Variants in RPS6KA6 observed in about 807,000 individuals in gnomAD.
RPS6KA6 encodes ribosomal protein S6 kinase A6, also known as ribosomal protein S6 kinase alpha-6.
In RPS6KA6, 27 loss-of-function variants were observed where a neutral mutation model predicts 65.4. That is an observed-to-expected ratio of 0.41 (90% CI 0.30 to 0.57). RPS6KA6 has a LOEUF of 0.57. Ranked by LOEUF, RPS6KA6 falls within the 20% of genes least tolerant of loss-of-function variation. The pLI is 0.24. For synonymous variants in RPS6KA6, 190 were observed against 184.2 expected (o/e 1.03, Z -0.26); for missense variants, 486 against 555.6 (o/e 0.87, Z 1.26).
intron 20 of RPS6KA6, among the ~76,000 whole-genome samples, chrX:84,093,426 C>T (rs1029535644): frequency 1.8e-5 from 2 of 111,790 alleles, no homozygotes; most frequent in African/African-American, 6.5e-5. Flanking sequence ...TTAAAAGGTT[C>T]TCATAGCTCC....
chrX:84,089,453 T>C lies in RPS6KA6; in HGVS notation c.1971+6741A>G, dbSNP rs184012735. Among the ~76,000 whole-genome samples the C allele has an allele frequency of 2.4e-3, 267 of 111,663 alleles. 2 individuals are homozygous for C. The highest frequency in any genetic ancestry group is 8.2e-3 in the African/African-American group (253 of 30,739). On this transcript the variant is annotated intron_variant, in intron 20 of 21. Transcript: ENST00000262752. ...CAGGTCCCTTCCTAGGATAGAAGTA[T>C]AGATGGGTCTTCTGCCTTGCTGGAA... is the stretch of plus-strand genomic sequence containing the variant.
intron 1 of RPS6KA6, 116 bp downstream of exon 1, chrX:84,187,703 G>A: frequency 1.5e-6 from 1 of 682,039 alleles, no homozygotes; most frequent in Non-Finnish European, 2.2e-6. Flanking sequence ...CATCAAGGGG[G>A]CTTGCCCGGG....
intron 12 of RPS6KA6, among the ~76,000 whole-genome samples, chrX:84,113,322 T>C (rs773483008): frequency 1.8e-5 from 2 of 111,447 alleles, no homozygotes; most frequent in East Asian, 5.7e-4. Context: ...ACAAAACCGG[T>C]ATCATCCTGA....
At position 84,167,130 on chromosome X, in the gene RPS6KA6, A is replaced by G. The variant is rs192764412; in HGVS notation, c.82-2743T>C. On this transcript the variant is annotated intron_variant, in intron 1 of 21. Transcript: ENST00000262752. ...GAAAGGAGTGAGAGAAAAACCACAC[A>G]TTACATAAAGAGGAACATCAAACTG... Among the ~76,000 whole-genome samples, 15 of 111,727 alleles carry G rather than the reference A, an allele frequency of 1.3e-4. No individual in the cohort carries two copies. In the East Asian group the frequency reaches 3.7e-3, roughly 27 times the overall value.
chrX:84,118,720 A>T (rs764199123), intron 9 of RPS6KA6, among the ~76,000 whole-genome samples: 180 of 111,940 alleles, frequency 1.6e-3, no homozygotes, highest in African/African-American at 5.7e-3. Context: ...TACCAAGGTT[A>T]ACAACTGCTT....
chrX:84,106,630 G>A (rs946420029), intron 14 of RPS6KA6, 143 bp from the exon 15 acceptor site: 25 of 485,505 alleles, frequency 5.1e-5, no homozygotes, highest in Admixed American at 9.3e-5. Context: ...TATAAATGGC[G>A]TGAACCAATC....
In RPS6KA6 at chrX:84,063,245, T is replaced by C. The variant is rs903616505; in HGVS notation, c.*1032A>G. On this transcript the variant is annotated 3_prime_UTR_variant, in exon 22 of 22. Transcript: ENST00000262752. ...TACTGTAATACAATATACTATATCA[T>C]GTGTGCTATATGCACAAGTCCACTA... is the stretch of plus-strand genomic sequence containing the variant. 1 of 111,824 alleles carries C rather than the reference T, an allele frequency of 8.9e-6. No individual in the cohort carries two copies. The highest frequency in any genetic ancestry group is 1.9e-5 in the Non-Finnish European group (1 of 53,111). 9.2% of individuals were successfully genotyped at this position (111,824 alleles called of 1,213,427 possible).
chrX:84,113,781 C>A lies in RPS6KA6; in HGVS notation c.1008+2448G>T, dbSNP rs186570550. On this transcript the variant is annotated intron_variant, in intron 12 of 21. Coordinates refer to ENST00000262752, the MANE Select transcript of RPS6KA6 (RefSeq NM_014496.5). ...CAGTACTGGAAAGTCCTAGCCAGAG[C>A]AATCAAGCAAGAAAAAGAAATAAAA... Among the ~76,000 whole-genome samples, 498 of 110,809 alleles carry A rather than the reference C, an allele frequency of 4.5e-3. 5 individuals are homozygous for A. Among genetic ancestry groups the A allele is most frequent in the African/African-American group, 0.016 (488 of 30,439 alleles).
At chrX:84,125,848 C>A (rs2034772807) in intron 8 of RPS6KA6, among the ~76,000 whole-genome samples, 1 of 110,121 alleles carries the variant, frequency 9.1e-6, no homozygotes, top group Non-Finnish European at 1.9e-5. Context: ...AGCAAGACTC[C>A]ATCTCAAAAA....
intron 1 of RPS6KA6, among the ~76,000 whole-genome samples, chrX:84,185,163 T>C (rs1217039771): frequency 9.0e-6 from 1 of 111,608 alleles, no homozygotes; most frequent in Non-Finnish European, 1.9e-5. Flanking sequence ...TGTGACTGCG[T>C]GAGGGGTGAT....
At chrX:84,075,641 A>G (rs2147344572) in intron 20 of RPS6KA6, among the ~76,000 whole-genome samples, 1 of 111,366 alleles carries the variant, frequency 9.0e-6, no homozygotes, top group African/African-American at 3.3e-5. Flanking sequence ...AAAAGTAGCT[A>G]GAGAAAAAAG....
In RPS6KA6 at chrX:84,064,292, T is replaced by C. The variant is rs778761337; in HGVS notation, c.2223A>G (p.Thr741=). The part of the protein sequence containing the change: ...LAQRRSMKKR[T]STGL ...ACCACAAATCTTACAGGCCAGTTGA[T>C]GTTCGCTTTTTCATGCTCCGTCGCT... is the stretch of plus-strand genomic sequence containing the variant. Residue 741 remains threonine, a synonymous_variant, in exon 22 of 22, where the codon ACA becomes ACG. Transcript: ENST00000262752. 8.3e-7 allele frequency: 1 copy of C among 1,208,616 alleles called. No homozygotes were observed. The highest frequency in any genetic ancestry group is 1.1e-6 in the Non-Finnish European group (1 of 893,897).
intron 13 of RPS6KA6, 92 bp from the exon 14 acceptor site, chrX:84,107,132 T>C (rs967662988): frequency 1.6e-6 from 1 of 631,231 alleles, no homozygotes; most frequent in Non-Finnish European, 2.4e-6. Context: ...AGGAAACCAT[T>C]AAATGCTACT....
chrX:84,138,663 T>C (rs985948299), intron 6 of RPS6KA6, among the ~76,000 whole-genome samples: 1 of 112,669 alleles, frequency 8.9e-6, no homozygotes, highest in Non-Finnish European at 1.9e-5. Flanking sequence ...TGTGGCTTTA[T>C]TTGGAATTTT....
chrX:84,064,522 T>C (rs112272741), intron 21 of RPS6KA6, 120 bp from the exon 22 acceptor site: 47 of 638,124 alleles, frequency 7.4e-5, no homozygotes, highest in Non-Finnish European at 9.6e-5. Flanking sequence ...AGGAAAATAA[T>C]TGAATATATT....
chrX:84,069,344 GA>G (rs1321886032), intron 20 of RPS6KA6, among the ~76,000 whole-genome samples: 1 of 111,750 alleles, frequency 8.9e-6, no homozygotes, highest in African/African-American at 3.3e-5. Context: ...ATGGTGCTGG[GA>G]AAACTGGCTA....
chrX:84,072,422 G>A (rs746848939), intron 20 of RPS6KA6, among the ~76,000 whole-genome samples: 42 of 111,421 alleles, frequency 3.8e-4, no homozygotes, highest in African/African-American at 1.3e-3. Flanking sequence ...TAAAGGTCAC[G>A]TATGACAAAC....
At chrX:84,118,367 T>C (rs2147469060) in intron 9 of RPS6KA6, among the ~76,000 whole-genome samples, 1 of 111,260 alleles carries the variant, frequency 9.0e-6, no homozygotes, top group South Asian at 3.8e-4. Flanking sequence ...AGGTGAGAAC[T>C]TCAGGGAGAG....
At chrX:84,116,118 A>C in intron 12 of RPS6KA6, 111 bp downstream of exon 12, 1 of 436,392 alleles carries the variant, frequency 2.3e-6, no homozygotes, top group Admixed American at 4.6e-5. Flanking sequence ...AAAAATAAAT[A>C]TGTATGTAAA....
Sources: allele counts gnomAD v4.1 joint callset (sites outside exome capture counted in the v4.1 genomes callset), GRCh38; gene constraint gnomAD v4.1.1; transcripts MANE v1.5; gene names NCBI Gene and HGNC (gene_info 2026-07-23, HGNC 2026-07-21).